XKR4: variants seen among roughly 807,000 people sequenced by gnomAD.
The protein encoded by XKR4 is XK-related protein 4.
In XKR4, 12 loss-of-function variants were observed where a neutral mutation model predicts 53.9. That is an observed-to-expected ratio of 0.22 (90% CI 0.14 to 0.36). XKR4 has a LOEUF of 0.36. Among genes scored for constraint, XKR4 ranks in the 10% least tolerant of loss-of-function variants. The probability of loss-of-function intolerance (pLI) is 1.00; values close to 1 mark genes in which losing one functional copy is unlikely to be tolerated. For missense variants in XKR4, 799 were observed against 859.5 expected (o/e 0.93, Z 0.88); for synonymous variants, 354 against 362.4 (o/e 0.98, Z 0.26).
chr8:55,277,524 T>A (rs1818781105), intron 1 of XKR4, among the ~76,000 whole-genome samples: 1 of 152,240 alleles, frequency 6.6e-6, no homozygotes, highest in African/African-American at 2.4e-5. Flanking sequence ...TATGTACACC[T>A]TATACACATA....
At chr8:55,217,980 ATTC>A (rs1817829265) in intron 1 of XKR4, among the ~76,000 whole-genome samples, 2 of 152,216 alleles carry the variant, frequency 1.3e-5, no homozygotes, top group South Asian at 4.1e-4. Flanking sequence ...GTCTTTTATA[ATTC>A]TTCTCTGTGC....
intron 2 of XKR4, among the ~76,000 whole-genome samples, chr8:55,502,808 G>A (rs1394682466): frequency 6.6e-6 from 1 of 151,978 alleles, no homozygotes; most frequent in Non-Finnish European, 1.5e-5. Context: ...ATATCATAAA[G>A]CTTTTCCTCT....
intron 2 of XKR4, among the ~76,000 whole-genome samples, chr8:55,413,210 A>G (rs184034692): frequency 5.6e-4 from 86 of 152,258 alleles, no homozygotes; most frequent in African/African-American, 2.0e-3. Context: ...TACGACAGAC[A>G]TATCTTCACT....
chr8:55,539,317 T>C lies in XKR4; in HGVS notation c.*15090T>C, dbSNP rs1289268171. On this transcript the variant is annotated 3_prime_UTR_variant, in exon 3 of 3. Coordinates refer to ENST00000327381, the MANE Select transcript of XKR4 (RefSeq NM_052898.2). ...TTATCATTGTGCCCTTATTTAAGGA[T>C]TATATTCCATTGTGAAAAAAATGTG... The C allele has an allele frequency of 6.6e-6, 1 of 152,120 alleles. No individual in the cohort carries two copies. Among genetic ancestry groups the C allele is most frequent in the Non-Finnish European group, 1.5e-5 (1 of 68,026 alleles). 9.4% of individuals were successfully genotyped at this position (152,120 alleles called of 1,614,324 possible).
intron 1 of XKR4, among the ~76,000 whole-genome samples, chr8:55,132,123 A>G (rs923120650): frequency 1.3e-5 from 2 of 152,156 alleles, no homozygotes; most frequent in East Asian, 1.9e-4. Flanking sequence ...CCTGACAACA[A>G]TGGGTTCAAT....
intron 1 of XKR4, among the ~76,000 whole-genome samples, chr8:55,330,265 G>A (rs1803364285): frequency 6.6e-6 from 1 of 152,164 alleles, no homozygotes; most frequent in Non-Finnish European, 1.5e-5. Flanking sequence ...CTAAAGCCCA[G>A]CTGTGCCACT....
chr8:55,130,352 A>G (rs1285528147), intron 1 of XKR4, among the ~76,000 whole-genome samples: 1 of 152,238 alleles, frequency 6.6e-6, no homozygotes, highest in East Asian at 1.9e-4. Context: ...TGAGGAAGTC[A>G]GCTATGCAGA....
intron 2 of XKR4, among the ~76,000 whole-genome samples, chr8:55,475,579 C>CTTTT (rs1309832560): frequency 1.2e-4 from 17 of 137,364 alleles, no homozygotes; most frequent in Non-Finnish European, 3.1e-5. Flanking sequence ...ACCATGCTCA[C>CTTTT]TTATTTATTT....
At chr8:55,174,514 T>C (rs761603792) in intron 1 of XKR4, among the ~76,000 whole-genome samples, 47 of 152,108 alleles carry the variant, frequency 3.1e-4, no homozygotes, top group Non-Finnish European at 1.5e-4. Context: ...CATTTAACAG[T>C]GCTTGATGAA....
chr8:55,278,511 T>G (rs752110303), intron 1 of XKR4, among the ~76,000 whole-genome samples: 1 of 152,152 alleles, frequency 6.6e-6, no homozygotes, highest in African/African-American at 2.4e-5. Flanking sequence ...CGTTGTAATT[T>G]TTAAATTGTT....
At chr8:55,306,273 C>T (rs928737465) in intron 1 of XKR4, among the ~76,000 whole-genome samples, 1 of 152,160 alleles carries the variant, frequency 6.6e-6, no homozygotes, top group Non-Finnish European at 1.5e-5. Context: ...TGCTATTTAG[C>T]ATCTCCTGCA....
intron 1 of XKR4, among the ~76,000 whole-genome samples, chr8:55,117,348 T>C (rs1460077521): frequency 2.0e-5 from 3 of 152,154 alleles, no homozygotes; most frequent in African/African-American, 7.2e-5. Flanking sequence ...ATTTTGCAAA[T>C]AAGATTAGCT....
rs570058616 is a variant in XKR4 at position 55,378,359 on chromosome 8, T to C, written c.1006+20482T>C. 2.0e-5 allele frequency among the ~76,000 whole-genome samples: 3 copies of C among 152,366 alleles called. No individual in the cohort carries two copies. In the East Asian group the frequency reaches 5.8e-4, roughly 29 times the overall value. ...CGTGCAAATGCAAGATTCGTCTGAA[T>C]GCTAACTGGCTATTTTTATTGCCTT... On this transcript the variant is annotated intron_variant, in intron 2 of 2. Transcript: ENST00000327381.
chr8:55,399,645 A>G (rs1056614457), intron 2 of XKR4, among the ~76,000 whole-genome samples: 2 of 152,238 alleles, frequency 1.3e-5, no homozygotes, highest in Non-Finnish European at 2.9e-5. Context: ...GGCCTCGACA[A>G]GGAAACTGTT....
In XKR4 at chr8:55,391,536, T is replaced by A. The variant is rs1804443340; in HGVS notation, c.1006+33659T>A. 2.0e-5 allele frequency among the ~76,000 whole-genome samples: 3 copies of A among 152,206 alleles called. No homozygotes were observed. The South Asian group carries it at 6.2e-4, about 31-fold the overall frequency. On this transcript the variant is annotated intron_variant, in intron 2 of 2. Transcript: ENST00000327381. Reference sequence around the variant, plus strand: ...AGAAAAATATGTATGGTATATATCCTTTATGTGAAGAAAAATACACATACA... The same window carrying A: ...AGAAAAATATGTATGGTATATATCCATTATGTGAAGAAAAATACACATACA...
At chr8:55,313,847 G>A (rs754014940) in intron 1 of XKR4, among the ~76,000 whole-genome samples, 1 of 152,128 alleles carries the variant, frequency 6.6e-6, no homozygotes, top group African/African-American at 2.4e-5. Context: ...ACAGAATAAC[G>A]AATTAGAATG....
rs1817604422 is a variant in XKR4, at chr8:55,203,582, G to A, written c.806+100288G>A. ...CAGGTCCTTCTTACTGGGGAGGTTTGAAGAAGATTGTGGCAGGGGCAGCAG... is the reference window on the plus strand; with the variant it reads ...CAGGTCCTTCTTACTGGGGAGGTTTAAAGAAGATTGTGGCAGGGGCAGCAG... On this transcript the variant is annotated intron_variant, in intron 1 of 2. Transcript: ENST00000327381. Among the ~76,000 whole-genome samples the A allele has an allele frequency of 3.3e-5, 5 of 152,208 alleles. No individual in the cohort carries two copies. In the South Asian group the frequency reaches 1.0e-3, roughly 31 times the overall value.
At chr8:55,139,594 A>C (rs1170439685) in intron 1 of XKR4, among the ~76,000 whole-genome samples, 1 of 152,028 alleles carries the variant, frequency 6.6e-6, no homozygotes, top group Non-Finnish European at 1.5e-5. Context: ...GACTCAGAGA[A>C]CATCCTTGAC....
intron 2 of XKR4, among the ~76,000 whole-genome samples, chr8:55,466,402 T>G (rs78707727): frequency 0.43 from 64,145 of 149,964 alleles, 13,965 homozygotes; most frequent in East Asian, 0.53. Context: ...ACCAAACACC[T>G]CGTGTTCTCA....
Sources: gnomAD v4.1 joint callset for allele counts (sites outside exome capture counted in the v4.1 genomes callset) on GRCh38, gnomAD v4.1.1 for gene constraint, MANE v1.5 for transcripts, NCBI Gene and HGNC (gene_info 2026-07-23, HGNC 2026-07-21) for gene names.